Variants in PCSK6 observed in about 807,000 individuals in gnomAD.
PCSK6 encodes the protein paired basic amino acid cleaving enzyme 4.
Under a neutral mutation model 123.3 loss-of-function variants are expected in PCSK6, and 85 were observed. That is an observed-to-expected ratio of 0.69 (90% CI 0.58 to 0.83). The LOEUF is 0.83. Among genes scored for constraint, PCSK6 ranks in the 40% least tolerant of loss-of-function variants. The probability of loss-of-function intolerance (pLI) is 0.00; values close to 1 mark genes in which losing one functional copy is unlikely to be tolerated. For missense variants in PCSK6, 1,191 were observed against 1,282.3 expected, an observed-to-expected ratio of 0.93 and a Z score of 1.09; for synonymous variants, 508 against 516.0, an observed-to-expected ratio of 0.98 and a Z score of 0.21.
Position 101,489,433 on chromosome 15 carries a change from C to G in PCSK6, c.238G>C (p.Gly80Arg). 7.9e-7 allele frequency: 1 copy of G among 1,272,072 alleles called. No individual in the cohort carries two copies. The allele number at this position is 1,272,072 out of a possible 1,614,324, so 78.8% of individuals were successfully genotyped here. A position where few individuals can be genotyped will look rare whatever the true frequency, so the allele number is the denominator to read the frequency against. ...YTNHWAVQVL[G>R]GPAEADRVAA... ...ACGCGGTCCGCCTCGGCCGGGCCGC[C>G]CAGCACTTGCACCGCCCAGTGGTTG... Residue 80 changes from glycine to arginine, a missense_variant, in exon 1 of 22, where the codon GGC becomes CGC. By Grantham distance (125) the Gly-to-Arg change is moderately radical (BLOSUM62 -2). This residue lies in a region of PCSK6 where 204 missense variants were observed against 166.4 expected (regional missense o/e 1.23). Coordinates refer to ENST00000611716, the MANE Select transcript of PCSK6 (RefSeq NM_002570.5).
Position 101,305,143 on chromosome 15 carries a change from T to C in PCSK6, c.*115A>G. The C allele has an allele frequency of 5.9e-6, 5 of 846,034 alleles. No individual in the cohort carries two copies. The South Asian group carries it at 7.7e-5, about 13-fold the overall frequency. The allele number at this position is 846,034 out of a possible 1,614,324, so 52.4% of individuals were successfully genotyped here. A position where few individuals can be genotyped will look rare whatever the true frequency, so the allele number is the denominator to read the frequency against. ...CTCAGAGATGCTGCTCCTGGGGAGA[T>C]AAAGCTGTCAGGTGCAGGGCGCCGC... On this transcript the variant is annotated 3_prime_UTR_variant, in exon 22 of 22. Transcript: ENST00000611716. The surrounding 1 kb of genome is among the most constrained non-coding windows in gnomAD (Gnocchi z 4.8).
intron 1 of PCSK6, among the ~76,000 whole-genome samples, chr15:101,469,482 A>T (rs1322815728): frequency 1.3e-5 from 2 of 152,226 alleles, no homozygotes; most frequent in Non-Finnish European, 2.9e-5. Context: ...TCCGTCTGTC[A>T]TCTTAACCCC....
intron 19 of PCSK6, among the ~76,000 whole-genome samples, chr15:101,317,214 T>C (rs2040012289): frequency 6.6e-6 from 1 of 152,166 alleles, no homozygotes; most frequent in Non-Finnish European, 1.5e-5. Flanking sequence ...GCCCGGCCAG[T>C]AGAGACTTAA....
At chr15:101,378,637 G>T (rs2041820031) in intron 11 of PCSK6, among the ~76,000 whole-genome samples, 1 of 152,164 alleles carries the variant, frequency 6.6e-6, no homozygotes, top group African/African-American at 2.4e-5. Context: ...CTTGGAGCAG[G>T]GGGCCTGGCT....
chr15:101,402,461 AC>A (rs2042619601), intron 6 of PCSK6, among the ~76,000 whole-genome samples: 1 of 152,132 alleles, frequency 6.6e-6, no homozygotes, highest in South Asian at 2.1e-4. Flanking sequence ...AGCAAAAGAA[AC>A]TACCATCAGA....
chr15:101,345,760 C>T (rs757117007), intron 13 of PCSK6, among the ~76,000 whole-genome samples: 11 of 152,208 alleles, frequency 7.2e-5, no homozygotes, highest in South Asian at 2.1e-4. Context: ...CTCCGCCTCC[C>T]GGGTTCAAGT....
intron 3 of PCSK6, 68 bp from the exon 4 acceptor site, chr15:101,431,531 C>A (rs904634454): frequency 1.3e-6 from 2 of 1,594,886 alleles, no homozygotes; most frequent in Admixed American, 1.7e-5. Flanking sequence ...ACACTCGGTG[C>A]ACACCCCACA....
chr15:101,375,889 C>A (rs2041723206), intron 11 of PCSK6, among the ~76,000 whole-genome samples: 1 of 152,060 alleles, frequency 6.6e-6, no homozygotes, highest in Non-Finnish European at 1.5e-5. Flanking sequence ...ACAAAATTAG[C>A]CAGGTGTGAT....
rs774145990 is a variant in PCSK6, at chr15:101,322,597, A to T, written c.2388T>A (p.Asn796Lys). Residue 796 changes from asparagine (N) to lysine (K), a missense_variant, in exon 18 of 22, where the codon AAT (asparagine) becomes AAA (lysine). This residue lies in a region of PCSK6 where 630 missense variants were observed against 631.4 expected (regional missense o/e 1.00). Transcript: ENST00000611716. ...AGFYADESQK[N>K]CLKCHPSCKK... ...TACAGCTTGGGTGGCATTTAAGGCA[A>T]TTTTTCTGACCTGGAGAAAAATAGC... 2 of 1,610,128 alleles carry T rather than the reference A, an allele frequency of 1.2e-6. No homozygotes were observed. The highest frequency in any genetic ancestry group is 1.7e-6 in the Non-Finnish European group (2 of 1,176,376).
chr15:101,332,068 G>GC, intron 13 of PCSK6, 37 bp from the exon 14 acceptor site: 1 of 1,542,344 alleles, frequency 6.5e-7, no homozygotes, highest in Non-Finnish European at 8.8e-7. Flanking sequence ...ACCTGCCTGT[G>GC]CCAAGACCTC....
chr15:101,471,972 A>G (rs941873350), intron 1 of PCSK6, among the ~76,000 whole-genome samples: 32 of 152,226 alleles, frequency 2.1e-4, no homozygotes, highest in African/African-American at 7.5e-4. Context: ...TCACTGAATG[A>G]ATGTATCACA....
chr15:101,337,569 T>A (rs1221537403), intron 13 of PCSK6: 1 of 152,258 alleles, frequency 6.6e-6, no homozygotes, highest in Non-Finnish European at 1.5e-5. Flanking sequence ...CCTATGCATG[T>A]GTATTTCTTG....
intron 6 of PCSK6, among the ~76,000 whole-genome samples, chr15:101,400,187 G>T (rs1241272954): frequency 6.6e-6 from 1 of 152,066 alleles, no homozygotes; most frequent in East Asian, 1.9e-4. Flanking sequence ...ACTGCACCTG[G>T]CTGGTTATTT....
chr15:101,349,996 C>A (rs546094127), intron 13 of PCSK6, among the ~76,000 whole-genome samples: 1 of 152,178 alleles, frequency 6.6e-6, no homozygotes, highest in East Asian at 1.9e-4. Context: ...GCAACCTCCA[C>A]CTCCCTGGTT....
chr15:101,405,427 G>C (rs146270699), intron 6 of PCSK6, among the ~76,000 whole-genome samples: 2 of 152,268 alleles, frequency 1.3e-5, no homozygotes, highest in Non-Finnish European at 2.9e-5. Context: ...GAGGAGTGTT[G>C]AGTGGAAGGA....
At chr15:101,391,091 G>T (rs1438823150) in intron 8 of PCSK6, among the ~76,000 whole-genome samples, 1 of 152,292 alleles carries the variant, frequency 6.6e-6, no homozygotes, top group East Asian at 1.9e-4. Flanking sequence ...GATGTGACGG[G>T]AAGGCCAACA....
At chr15:101,395,628 C>T (rs1488050941) in intron 7 of PCSK6, among the ~76,000 whole-genome samples, 2 of 152,216 alleles carry the variant, frequency 1.3e-5, no homozygotes, top group Non-Finnish European at 2.9e-5. Context: ...CCAGTGGCTT[C>T]ATGGAAGCCA....
chr15:101,373,340 A>C (rs923243806), intron 11 of PCSK6, among the ~76,000 whole-genome samples: 21 of 152,212 alleles, frequency 1.4e-4, no homozygotes, highest in African/African-American at 5.1e-4. Context: ...CTCCTGGAAC[A>C]AGGCTAACTG....
chr15:101,440,362 G>C (rs1047933724), intron 2 of PCSK6, among the ~76,000 whole-genome samples: 13 of 152,364 alleles, frequency 8.5e-5, no homozygotes, highest in African/African-American at 3.1e-4. Context: ...TACAGGATCA[G>C]TGCGAAGAAG....
Sources: allele counts gnomAD v4.1 joint callset (sites outside exome capture counted in the v4.1 genomes callset), GRCh38; gene constraint gnomAD v4.1.1; regional missense constraint gnomAD v4.1.1; non-coding constraint Gnocchi (gnomAD v3.1); transcripts MANE v1.5; gene names NCBI Gene and HGNC (gene_info 2026-07-23, HGNC 2026-07-21).